The following TSHZ2 variants were observed in gnomAD, a reference collection of about 807,000 sequenced individuals.
TSHZ2 encodes teashirt homolog 2.
A neutral mutation model predicts 74.4 loss-of-function variants in TSHZ2; 21 were observed. The observed-to-expected ratio is 0.28, with a 90% CI of 0.20 to 0.41. TSHZ2 has a LOEUF of 0.41. TSHZ2 is among the 10% of genes least tolerant of loss of function. The pLI, the probability that TSHZ2 is intolerant of heterozygous loss-of-function variation, is 1.00. For synonymous variants in TSHZ2, 540 were observed against 515.3 expected, an observed-to-expected ratio of 1.05 and a Z score of -0.65; for missense variants, 1,244 against 1,293.5, an observed-to-expected ratio of 0.96 and a Z score of 0.59.
chr20:53,148,887 C>T (rs1987608058), intron 1 of TSHZ2, among the ~76,000 whole-genome samples: 1 of 152,120 alleles, frequency 6.6e-6, no homozygotes, highest in South Asian at 2.1e-4. Context: ...CACTTTTTTT[C>T]AGAGGCTCCA....
At chr20:53,406,220 G>A (rs540257824) in intron 2 of TSHZ2, among the ~76,000 whole-genome samples, 4 of 152,208 alleles carry the variant, frequency 2.6e-5, no homozygotes, top group East Asian at 3.9e-4. Flanking sequence ...GCAGGTGGAT[G>A]TGTCTAGATC....
chr20:53,131,592 C>T (rs6022292), intron 1 of TSHZ2, among the ~76,000 whole-genome samples: 1 of 152,184 alleles, frequency 6.6e-6, no homozygotes, highest in Non-Finnish European at 1.5e-5. Flanking sequence ...CGTGTTGGTG[C>T]TTTCCCACCC....
At chr20:53,481,663 C>T (rs539994120) in intron 2 of TSHZ2, among the ~76,000 whole-genome samples, 1 of 152,190 alleles carries the variant, frequency 6.6e-6, no homozygotes, top group South Asian at 2.1e-4. Context: ...TCTCTTTACC[C>T]TTCTTCAAGT....
intron 1 of TSHZ2, among the ~76,000 whole-genome samples, chr20:53,191,758 C>T (rs1988742485): frequency 6.6e-6 from 1 of 152,204 alleles, no homozygotes; most frequent in Admixed American, 6.5e-5. Flanking sequence ...ATATTAGGAC[C>T]TGTCAAGTAC....
At chr20:53,214,691 C>T (rs1421051692) in intron 1 of TSHZ2, among the ~76,000 whole-genome samples, 1 of 152,090 alleles carries the variant, frequency 6.6e-6, no homozygotes, top group East Asian at 1.9e-4. Context: ...GCACTCCAAC[C>T]TGGGTGACAG....
chr20:53,049,815 C>T (rs544701798), intron 1 of TSHZ2, among the ~76,000 whole-genome samples: 2 of 152,160 alleles, frequency 1.3e-5, no homozygotes, highest in Admixed American at 1.3e-4. Context: ...TGGGCAGTGG[C>T]TCACGCCTGT....
chr20:53,478,965 G>GACCA (rs1986071757), intron 2 of TSHZ2, among the ~76,000 whole-genome samples: 1 of 152,106 alleles, frequency 6.6e-6, no homozygotes, highest in Non-Finnish European at 1.5e-5. Context: ...AGGGATTCCA[G>GACCA]ACCAGTCTGG....
intron 2 of TSHZ2, among the ~76,000 whole-genome samples, chr20:53,415,378 C>T (rs1395208926): frequency 1.3e-5 from 2 of 152,110 alleles, no homozygotes; most frequent in African/African-American, 4.8e-5. Context: ...GGCACTGTAG[C>T]TCCTATCGCT....
At position 52,973,103 on chromosome 20, in the gene TSHZ2, C is replaced by G; in HGVS notation, c.-191C>G. On this transcript the variant is annotated 5_prime_UTR_variant, in exon 1 of 3. Transcript: ENST00000371497. ...GGCACAAGCCACCCGTGTCTGCCAC[C>G]CAGAGAGGGGGGTCTCTGGCCCGTG... 1.6e-6 allele frequency: 1 copy of G among 624,246 alleles called. No homozygotes were observed. The highest frequency in any genetic ancestry group is 2.7e-6 in the Non-Finnish European group (1 of 371,904). 38.7% of individuals were successfully genotyped at this position (624,246 alleles called of 1,614,324 possible). A position where few individuals can be genotyped will look rare whatever the true frequency, so the allele number is the denominator to read the frequency against.
chr20:53,388,589 C>G (rs966577602), intron 2 of TSHZ2, among the ~76,000 whole-genome samples: 1 of 149,792 alleles, frequency 6.7e-6, no homozygotes, highest in Non-Finnish European at 1.5e-5. Context: ...TCTTTTTTTT[C>G]TTTCTTTTTT....
chr20:52,999,755 TG>T (rs1982344656), intron 1 of TSHZ2, among the ~76,000 whole-genome samples: 1 of 152,186 alleles, frequency 6.6e-6, no homozygotes, highest in South Asian at 2.1e-4. Flanking sequence ...CTGGGATTTC[TG>T]GGGGTGGAAA....
intron 1 of TSHZ2, among the ~76,000 whole-genome samples, chr20:53,155,151 G>A (rs1008492788): frequency 5.3e-5 from 8 of 149,852 alleles, no homozygotes; most frequent in African/African-American, 1.5e-4. Flanking sequence ...TGAGGACTGC[G>A]TGGGTAGCTC....
At chr20:53,185,135 A>G in intron 1 of TSHZ2, 1 of 935,924 alleles carries the variant, frequency 1.1e-6, no homozygotes, top group Non-Finnish European at 1.3e-6. Context: ...TCATCTTTTT[A>G]TGACCCAGAA....
At chr20:53,129,026 G>A (rs1987027456) in intron 1 of TSHZ2, among the ~76,000 whole-genome samples, 1 of 152,080 alleles carries the variant, frequency 6.6e-6, no homozygotes, top group African/African-American at 2.4e-5. Context: ...CAAAGGCTGT[G>A]ACCCCGTACT....
At chr20:53,202,481 C>T (rs1403207845) in intron 1 of TSHZ2, among the ~76,000 whole-genome samples, 1 of 152,096 alleles carries the variant, frequency 6.6e-6, no homozygotes, top group African/African-American at 2.4e-5. Context: ...TTAATCATTG[C>T]TAGAATTTAG....
chr20:53,349,935 C>T (rs544715932), intron 2 of TSHZ2, among the ~76,000 whole-genome samples: 1 of 152,270 alleles, frequency 6.6e-6, no homozygotes, highest in African/African-American at 2.4e-5. Context: ...CTGGAAGTCC[C>T]AGGGGATTGT....
At chr20:53,088,963 C>T (rs1225094715) in intron 1 of TSHZ2, among the ~76,000 whole-genome samples, 2 of 152,104 alleles carry the variant, frequency 1.3e-5, no homozygotes, top group Non-Finnish European at 2.9e-5. Context: ...CTTCGGCTGG[C>T]TCAGGATGCA....
intron 1 of TSHZ2, among the ~76,000 whole-genome samples, chr20:53,069,140 G>A (rs1367866520): frequency 6.6e-6 from 1 of 152,148 alleles, no homozygotes; most frequent in Non-Finnish European, 1.5e-5. Context: ...ATCCTCATTA[G>A]TTGTCATTCA....
chr20:53,279,797 T>A (rs997004087), intron 2 of TSHZ2, among the ~76,000 whole-genome samples: 27 of 152,110 alleles, frequency 1.8e-4, no homozygotes, highest in Non-Finnish European at 1.2e-4. Flanking sequence ...TGGGTAGCAG[T>A]GGTGCTAATT....
Sources: allele counts gnomAD v4.1 joint callset (sites outside exome capture counted in the v4.1 genomes callset), GRCh38; gene constraint gnomAD v4.1.1; transcripts MANE v1.5; gene names NCBI Gene and HGNC (gene_info 2026-07-23, HGNC 2026-07-21).